The following MDFIC variants were observed in gnomAD, a reference collection of about 807,000 sequenced individuals.
MDFIC encodes MyoD family inhibitor domain containing, also known as myoD family inhibitor domain-containing protein.
In MDFIC, 17 loss-of-function variants were observed where a neutral mutation model predicts 23.2. That is an observed-to-expected ratio of 0.73 (90% confidence interval 0.50 to 1.10). The LOEUF is 1.10. Among genes scored for constraint, MDFIC ranks in the 50% least tolerant of loss-of-function variants. The pLI, the probability that MDFIC is intolerant of heterozygous loss-of-function variation, is 0.00. For synonymous variants in MDFIC, 120 were observed against 115.2 expected (o/e 1.04, Z -0.27); for missense variants, 356 against 316.6 (o/e 1.12, Z -0.95).
At chr7:114,922,669 G>C in intron 1 of MDFIC, 33 bp downstream of exon 1, 1 of 1,323,940 alleles carries the variant, frequency 7.6e-7, no homozygotes. Flanking sequence ...GGAAGAGGAG[G>C]GGTTTGATCC....
intron 4 of MDFIC, among the ~76,000 whole-genome samples, chr7:115,009,352 A>G (rs546660737): frequency 2.0e-5 from 3 of 152,318 alleles, no homozygotes; most frequent in Admixed American, 6.5e-5. Context: ...CTGCCATACC[A>G]CATCTTAAAA....
intron 3 of MDFIC, among the ~76,000 whole-genome samples, chr7:114,961,421 G>A (rs541933897): frequency 7.8e-4 from 119 of 152,244 alleles, no homozygotes; most frequent in Middle Eastern, 3.4e-3. Flanking sequence ...AAGCAGAGGG[G>A]ATTATGACAC....
Position 115,016,171 on chromosome 7 carries a change from G to A in MDFIC, c.*236G>A, listed in dbSNP as rs1791791146. 6.9e-6 allele frequency: 3 copies of A among 436,332 alleles called. No homozygotes were observed. Among genetic ancestry groups the A allele is most frequent in the Admixed American group, 4.1e-5 (1 of 24,282 alleles). 27.0% of individuals were successfully genotyped at this position (436,332 alleles called of 1,614,324 possible). ...TTTCTTAATATGTTACAATAACTTAGGGACATTTTGACACCCCCCTTCCCA... is the reference window on the plus strand; with the variant it reads ...TTTCTTAATATGTTACAATAACTTAAGGACATTTTGACACCCCCCTTCCCA... On this transcript the variant is annotated 3_prime_UTR_variant, in exon 5 of 5. Transcript: ENST00000393486.
In MDFIC at chr7:114,979,460, A is replaced by G. The variant is rs532768091; in HGVS notation, c.218-46A>G. On this transcript the variant is annotated intron_variant, in intron 3 of 4. Coordinates refer to ENST00000393486, the MANE Select transcript of MDFIC (RefSeq NM_001166345.3). ...GTATTTTCATTATTTTAAAATATTA[A>G]TTTCTTTTTCTTTAACTGGCTGACT... The G allele has an allele frequency of 8.5e-6, 13 of 1,537,638 alleles. No homozygotes were observed. The Admixed American group carries it at 1.5e-4, about 17-fold the overall frequency.
At chr7:114,939,712 G>T (rs1328121897) in intron 2 of MDFIC, among the ~76,000 whole-genome samples, 1 of 152,180 alleles carries the variant, frequency 6.6e-6, no homozygotes, top group Non-Finnish European at 1.5e-5. Flanking sequence ...ATTCAAATAT[G>T]AGTCAAGTGT....
chr7:114,983,424 G>GACATGATCC (rs1281157976), intron 4 of MDFIC, among the ~76,000 whole-genome samples: 3 of 152,130 alleles, frequency 2.0e-5, no homozygotes, highest in African/African-American at 7.2e-5. Context: ...ACACTGCTAA[G>GACATGATCC]ACATGATCCA....
At chr7:115,011,968 C>T (rs1013057537) in intron 4 of MDFIC, among the ~76,000 whole-genome samples, 2 of 152,188 alleles carry the variant, frequency 1.3e-5, no homozygotes, top group East Asian at 1.9e-4. Context: ...TTATTAACAC[C>T]TCTTCTTCTT....
intron 2 of MDFIC, among the ~76,000 whole-genome samples, chr7:114,926,623 C>T (rs1792196012): frequency 6.6e-6 from 1 of 152,124 alleles, no homozygotes; most frequent in African/African-American, 2.4e-5. Context: ...GGAGAGTCCT[C>T]TTGAGACTAT....
chr7:114,953,642 T>G (rs770359696), intron 3 of MDFIC, among the ~76,000 whole-genome samples: 46 of 152,312 alleles, frequency 3.0e-4, no homozygotes, highest in Admixed American at 5.9e-4. Flanking sequence ...TGCTCCACTT[T>G]CTAGCTATGT....
chr7:115,003,734 G>T (rs946193767), intron 4 of MDFIC, among the ~76,000 whole-genome samples: 7 of 152,056 alleles, frequency 4.6e-5, no homozygotes, highest in Non-Finnish European at 1.0e-4. Flanking sequence ...TTCCCCACTG[G>T]CTGGAACAAT....
At chr7:114,984,711 A>G (rs1393468954) in intron 4 of MDFIC, among the ~76,000 whole-genome samples, 1 of 152,228 alleles carries the variant, frequency 6.6e-6, no homozygotes, top group Non-Finnish European at 1.5e-5. Flanking sequence ...ATTTAGTATC[A>G]TATAATGTTC....
At chr7:114,997,090 AC>A (rs1228131800) in intron 4 of MDFIC, among the ~76,000 whole-genome samples, 1 of 152,202 alleles carries the variant, frequency 6.6e-6, no homozygotes, top group African/African-American at 2.4e-5. Flanking sequence ...GTCACTGGTG[AC>A]CTTCACCCTT....
chr7:114,937,678 G>A (rs375552325), intron 2 of MDFIC, among the ~76,000 whole-genome samples: 30 of 152,258 alleles, frequency 2.0e-4, no homozygotes, highest in African/African-American at 6.7e-4. Flanking sequence ...GATTGTTTAT[G>A]TGTGTGTGTT....
chr7:114,985,949 T>G (rs1351707407), intron 4 of MDFIC, among the ~76,000 whole-genome samples: 1 of 151,930 alleles, frequency 6.6e-6, no homozygotes, highest in Non-Finnish European at 1.5e-5. Context: ...TGGAATTATA[T>G]AGAATCAGGG....
intron 4 of MDFIC, chr7:115,013,834 A>G: frequency 4.0e-6 from 1 of 250,298 alleles, no homozygotes; most frequent in Non-Finnish European, 6.3e-6. Context: ...GAAATCCAGA[A>G]CGTTGTAAGG....
chr7:114,975,665 A>G (rs1793295690), intron 3 of MDFIC, among the ~76,000 whole-genome samples: 1 of 151,786 alleles, frequency 6.6e-6, no homozygotes, highest in Non-Finnish European at 1.5e-5. Flanking sequence ...TTTGTTCTTC[A>G]TTTGAAAATA....
chr7:114,994,160 T>G (rs1310120565), intron 4 of MDFIC, among the ~76,000 whole-genome samples: 1 of 152,340 alleles, frequency 6.6e-6, no homozygotes, highest in African/African-American at 2.4e-5. Context: ...TATCAGAGAT[T>G]AGGTGTGCAA....
At chr7:114,936,524 T>A (rs1792427001) in intron 2 of MDFIC, among the ~76,000 whole-genome samples, 2 of 151,894 alleles carry the variant, frequency 1.3e-5, no homozygotes, top group African/African-American at 4.8e-5. Context: ...GAACTAAGAG[T>A]AGTTATAAAT....
intron 4 of MDFIC, among the ~76,000 whole-genome samples, chr7:114,983,930 G>A (rs1793463857): frequency 1.3e-5 from 2 of 151,994 alleles, no homozygotes; most frequent in South Asian, 2.1e-4. Flanking sequence ...TCCCAACAAC[G>A]CTGCAATTCT....
Sources: allele counts gnomAD v4.1 joint callset (sites outside exome capture counted in the v4.1 genomes callset), GRCh38; gene constraint gnomAD v4.1.1; transcripts MANE v1.5; gene names NCBI Gene and HGNC (gene_info 2026-07-23, HGNC 2026-07-21).